OLAH: variants seen among roughly 807,000 people sequenced by gnomAD.
OLAH encodes the protein oleoyl-ACP hydrolase.
In OLAH, 33 loss-of-function variants were observed where a neutral mutation model predicts 27.8. That is an observed-to-expected ratio of 1.19 (90% CI 0.90 to 1.59). The LOEUF (loss-of-function observed/expected upper bound fraction) is 1.59, where lower values mean the gene tolerates loss of function less well. Ranked by LOEUF, OLAH falls within the 40% of genes most tolerant of loss-of-function variation. The probability of loss-of-function intolerance (pLI) is 0.00; values close to 1 mark genes in which losing one functional copy is unlikely to be tolerated. For synonymous variants in OLAH, 120 were observed against 102.9 expected (o/e 1.17, Z -1.01); for missense variants, 359 against 310.8 (o/e 1.16, Z -1.17).
At chr10:15,053,169 GACATAA>G (rs955176038) in intron 3 of OLAH, among the ~76,000 whole-genome samples, 10 of 152,068 alleles carry the variant, frequency 6.6e-5, no homozygotes, top group Admixed American at 5.2e-4. Context: ...TAGGTAGTTA[GACATAA>G]ACAAGGCAGG....
chr10:15,051,747 C>T (rs1844148194), intron 3 of OLAH, among the ~76,000 whole-genome samples: 1 of 151,950 alleles, frequency 6.6e-6, no homozygotes, highest in Non-Finnish European at 1.5e-5. Context: ...GTCTTCAAAA[C>T]TCACCGCCAG....
chr10:15,044,142 T>G (rs901594375), intron 1 of OLAH, among the ~76,000 whole-genome samples, 156 bp downstream of exon 1: 8 of 152,188 alleles, frequency 5.3e-5, no homozygotes, highest in Non-Finnish European at 1.2e-4. Context: ...TATAATATAA[T>G]CACTGGTATC....
At chr10:15,057,638 G>A (rs1362218040) in intron 3 of OLAH, among the ~76,000 whole-genome samples, 2 of 151,912 alleles carry the variant, frequency 1.3e-5, no homozygotes, top group East Asian at 1.9e-4. Context: ...CACCTGCCTC[G>A]GCCTCCCAAA....
At chr10:15,052,674 T>C (rs1844167682) in intron 3 of OLAH, among the ~76,000 whole-genome samples, 1 of 152,058 alleles carries the variant, frequency 6.6e-6, no homozygotes, top group Non-Finnish European at 1.5e-5. Context: ...GAGTCTGATA[T>C]CATCCTGATT....
rs774873536 is a variant in OLAH, at chr10:15,049,763, A to T, written c.161A>T (p.Glu54Val). 1.9e-5 allele frequency: 31 copies of T among 1,602,068 alleles called. No homozygotes were observed. Among genetic ancestry groups the T allele is most frequent in the Non-Finnish European group, 2.5e-5 (30 of 1,177,164 alleles). The change falls in exon 3 of 8, where the codon GAA becomes GTA. Residue 54 changes from glutamate (E) to valine (V), a missense_variant and splice_region_variant. Physicochemically the swap from Glu to Val is moderately radical, Grantham distance 121. Transcript: ENST00000378228. ...GGCCAAGATACTCATGATTTGCTGGAAGGTATGTTAATTTTTAACATCATT... is the reference window on the plus strand; with the variant it reads ...GGCCAAGATACTCATGATTTGCTGGTAGGTATGTTAATTTTTAACATCATT... Reference protein sequence around the residue: ...KWGQDTHDLLEVHSLRLPGRE... With the variant: ...KWGQDTHDLLVVHSLRLPGRE...
intron 3 of OLAH, among the ~76,000 whole-genome samples, chr10:15,055,191 T>C (rs72774355): frequency 0.12 from 18,069 of 152,198 alleles, 1,344 homozygotes; most frequent in East Asian, 0.3. Flanking sequence ...AACTTTGATT[T>C]ATACTTTCTA....
At chr10:15,049,821 T>C in intron 3 of OLAH, 56 bp downstream of exon 3, 1 of 1,526,076 alleles carries the variant, frequency 6.6e-7, no homozygotes. Context: ...GACATAAATG[T>C]ATTAGAATTT....
intron 1 of OLAH, among the ~76,000 whole-genome samples, chr10:15,033,271 T>C (rs1843787699): frequency 6.6e-6 from 1 of 152,204 alleles, no homozygotes; most frequent in African/African-American, 2.4e-5. Flanking sequence ...CCCTAATTTT[T>C]AAGGCACATA....
intron 1 of OLAH, among the ~76,000 whole-genome samples, chr10:15,044,206 T>C (rs929125347): frequency 6.6e-6 from 1 of 152,134 alleles, no homozygotes; most frequent in African/African-American, 2.4e-5. Flanking sequence ...ACCTGTTCTA[T>C]GTTTCTTTCC....
At chr10:15,033,078 T>C (rs1272886773) in intron 1 of OLAH, among the ~76,000 whole-genome samples, 1 of 151,614 alleles carries the variant, frequency 6.6e-6, no homozygotes, top group Non-Finnish European at 1.5e-5. Context: ...GGTTTCACCA[T>C]GTTGGCCAGG....
chr10:15,056,671 C>A (rs117077612), intron 3 of OLAH, among the ~76,000 whole-genome samples: 2 of 152,044 alleles, frequency 1.3e-5, no homozygotes, highest in Non-Finnish European at 2.9e-5. Flanking sequence ...TGCTCTGTTG[C>A]CCAGGCTGGA....
At chr10:15,063,279 C>G (rs1358052908) in intron 4 of OLAH, among the ~76,000 whole-genome samples, 1 of 152,026 alleles carries the variant, frequency 6.6e-6, no homozygotes, top group African/African-American at 2.4e-5. Flanking sequence ...AGCATGCCAC[C>G]ACACCCTGCT....
At chr10:15,050,719 T>G (rs1170185168) in intron 3 of OLAH, among the ~76,000 whole-genome samples, 3 of 151,714 alleles carry the variant, frequency 2.0e-5, no homozygotes, top group African/African-American at 7.3e-5. Context: ...TTTTTTGTAT[T>G]TTTAGTAGAG....
intron 3 of OLAH, among the ~76,000 whole-genome samples, chr10:15,051,075 A>AT (rs1171804568): frequency 4.3e-4 from 25 of 58,026 alleles, no homozygotes; most frequent in African/African-American, 1.9e-3. Context: ...TATTATTATT[A>AT]TTATTTTTTT....
At chr10:15,052,099 A>G (rs567337722) in intron 3 of OLAH, among the ~76,000 whole-genome samples, 117 of 152,270 alleles carry the variant, frequency 7.7e-4, no homozygotes, top group Admixed American at 2.4e-3. Flanking sequence ...CTTGACCAAC[A>G]TGGTGAACCC....
chr10:15,037,026 C>A (rs1843851021), intron 1 of OLAH, among the ~76,000 whole-genome samples: 1 of 151,958 alleles, frequency 6.6e-6, no homozygotes, highest in Admixed American at 6.6e-5. Flanking sequence ...TTGCAGTGAG[C>A]CAAGATCGTG....
chr10:15,064,154 T>C (rs1380312308), intron 4 of OLAH, among the ~76,000 whole-genome samples: 1 of 152,184 alleles, frequency 6.6e-6, no homozygotes, highest in African/African-American at 2.4e-5. Flanking sequence ...GAAAAGGAAA[T>C]TTAAATTAAT....
At chr10:15,037,188 C>A (rs913024691) in intron 1 of OLAH, among the ~76,000 whole-genome samples, 3 of 151,584 alleles carry the variant, frequency 2.0e-5, no homozygotes, top group African/African-American at 7.3e-5. Flanking sequence ...GTAAATCCGA[C>A]AGTAACCACT....
chr10:15,046,132 G>T (rs954792445), intron 1 of OLAH, among the ~76,000 whole-genome samples: 2 of 151,976 alleles, frequency 1.3e-5, no homozygotes, highest in Non-Finnish European at 2.9e-5. Context: ...GATCACTTGA[G>T]GTCAGGAGTT....
Sources: allele counts gnomAD v4.1 joint callset (sites outside exome capture counted in the v4.1 genomes callset), GRCh38; gene constraint gnomAD v4.1.1; transcripts MANE v1.5; gene names NCBI Gene and HGNC (gene_info 2026-07-23, HGNC 2026-07-21).